NUP214: variants seen among roughly 807,000 people sequenced by gnomAD.
NUP214 encodes the protein nuclear pore complex protein Nup214.
NUP214 carries 79 observed loss-of-function variants against 196.2 expected under a neutral mutation model. That is an observed-to-expected ratio of 0.40 (90% CI 0.34 to 0.49). The LOEUF (loss-of-function observed/expected upper bound fraction) is 0.49. Among genes scored for constraint, NUP214 ranks in the 20% least tolerant of loss-of-function variants. The pLI is 0.58. For missense variants in NUP214, 2,468 were observed against 2,539.0 expected (o/e 0.97, Z 0.60); for synonymous variants, 1,020 against 990.5 (o/e 1.03, Z -0.56).
Position 131,198,343 on chromosome 9 carries a change from G to T in NUP214, c.4849G>T (p.Ala1617Ser). Residue 1617 changes from alanine to serine, a missense_variant, in exon 29 of 36, where the codon GCC (alanine) becomes TCC (serine). Physicochemically the swap from Ala to Ser is moderately conservative, Grantham distance 99. Transcript: ENST00000359428. Reference sequence around the variant, plus strand: ...CGTCGAAACATCAAGTACCCCCATAGCCTCCAGCACCACGTCCATTGTTGC... The same window carrying T: ...CGTCGAAACATCAAGTACCCCCATATCCTCCAGCACCACGTCCATTGTTGC... ...VAVETSSTPI[A>S]SSTTSIVAPG... 1 of 1,614,226 alleles carries T rather than the reference G, an allele frequency of 6.2e-7. No individual in the cohort carries two copies. The highest frequency in any genetic ancestry group is 1.1e-5 in the South Asian group (1 of 91,090).
intron 31 of NUP214, among the ~76,000 whole-genome samples, chr9:131,218,048 TTAAAG>T (rs1834451719): frequency 6.6e-6 from 1 of 152,222 alleles, no homozygotes; most frequent in Non-Finnish European, 1.5e-5. Flanking sequence ...TAATTCTGGT[TTAAAG>T]TAAACACATA....
At position 131,192,195 on chromosome 9, in the gene NUP214, T is replaced by TTG; in HGVS notation, c.3575-13_3575-12insTG. 1.6e-6 allele frequency: 2 copies of TTG among 1,224,628 alleles called. No homozygotes were observed. The highest frequency in any genetic ancestry group is 2.3e-6 in the Non-Finnish European group (2 of 877,356). 75.9% of individuals were successfully genotyped at this position (1,224,628 alleles called of 1,614,324 possible). ...TTTTTTTTTTTTTTTTTTTTTTTTTTCCATAATTTCAGGGACAGCCAAGAT... is the reference window on the plus strand; with the variant it reads ...TTTTTTTTTTTTTTTTTTTTTTTTTTTGCCATAATTTCAGGGACAGCCAAGAT... On this transcript the variant is annotated splice_polypyrimidine_tract_variant and intron_variant, in intron 26 of 35. Transcript: ENST00000359428.
chr9:131,156,778 C>T (rs566592783), intron 17 of NUP214, among the ~76,000 whole-genome samples: 3 of 152,048 alleles, frequency 2.0e-5, no homozygotes, highest in East Asian at 1.9e-4. Context: ...CGGCAAACAG[C>T]GACAGTTTGA....
In NUP214 at chr9:131,127,702, A is replaced by G; in HGVS notation, c.224A>G (p.Asp75Gly). The G allele has an allele frequency of 1.2e-6, 2 of 1,613,820 alleles. No homozygotes were observed. The highest frequency in any genetic ancestry group is 1.7e-4 in the Middle Eastern group (1 of 6,056). Residue 75 changes from aspartate (D) to glycine (G), a missense_variant, in exon 2 of 36, where the codon GAT (aspartate) becomes GGT (glycine). Transcript: ENST00000359428. Reference sequence around the variant, plus strand: ...CTTCTTATTCAAAATAAACCCGGAGATGATCCCAACAAAATAGGTAAGTTC... The same window carrying G: ...CTTCTTATTCAAAATAAACCCGGAGGTGATCCCAACAAAATAGGTAAGTTC... ...KNLLIQNKPG[D>G]DPNKIVDKVQ... is the part of the protein sequence containing the mutation.
chr9:131,147,109 C>T (rs1832107121), intron 13 of NUP214, among the ~76,000 whole-genome samples: 1 of 152,028 alleles, frequency 6.6e-6, no homozygotes, highest in South Asian at 2.1e-4. Context: ...ACCTTAGCCT[C>T]CTGAGTAGCT....
intron 11 of NUP214, among the ~76,000 whole-genome samples, chr9:131,141,478 C>CTTTTTTTTTTTT (rs3057295): frequency 8.4e-6 from 1 of 118,714 alleles, no homozygotes; most frequent in Non-Finnish European, 1.7e-5. Flanking sequence ...TGAAAAGAAA[C>CTTTTTTTTTTTT]TTTTTTTTTT....
Position 131,197,334 on chromosome 9 carries a change from A to C in NUP214, c.3840A>C (p.Ala1280=). ...CACCTCCCTCAGGAATCACATCCGC[A>C]TCAAACACCACCCCAGGAGAACCTG... ...ESSPPSGITS[A]SNTTPGEPAA... is the part of the protein sequence containing the mutation. Residue 1280 remains alanine, a synonymous_variant, in exon 29 of 36, where the codon GCA becomes GCC. Coordinates refer to ENST00000359428, the MANE Select transcript of NUP214 (RefSeq NM_005085.4). The C allele has an allele frequency of 3.7e-6, 6 of 1,614,176 alleles. No homozygotes were observed. The highest frequency in any genetic ancestry group is 5.1e-6 in the Non-Finnish European group (6 of 1,180,030).
intron 11 of NUP214, among the ~76,000 whole-genome samples, chr9:131,141,151 A>AT (rs1831903216): frequency 6.6e-6 from 1 of 151,878 alleles, no homozygotes; most frequent in Non-Finnish European, 1.5e-5. Context: ...AAAAAAAAAA[A>AT]CCACTATTCT....
chr9:131,194,622 A>G (rs1833723706), intron 27 of NUP214, among the ~76,000 whole-genome samples: 2 of 152,228 alleles, frequency 1.3e-5, no homozygotes, highest in Non-Finnish European at 2.9e-5. Flanking sequence ...CAGTGTAAAG[A>G]AAACGTACAA....
chr9:131,138,114 CT>C (rs1195368266), intron 9 of NUP214, among the ~76,000 whole-genome samples: 1 of 151,914 alleles, frequency 6.6e-6, no homozygotes, highest in Non-Finnish European at 1.5e-5. Context: ...TGCCTGCCTG[CT>C]TGCTTTCTTG....
chr9:131,161,926 C>T (rs1832650178), intron 18 of NUP214, among the ~76,000 whole-genome samples: 1 of 152,236 alleles, frequency 6.6e-6, no homozygotes. Flanking sequence ...AACCCACGGC[C>T]TGCAGGCTTC....
intron 23 of NUP214, 27 bp downstream of exon 23, chr9:131,175,648 C>G: frequency 6.2e-7 from 1 of 1,606,998 alleles, no homozygotes; most frequent in Non-Finnish European, 8.5e-7. Context: ...CATACCTGTA[C>G]AGAGGCTGAT....
chr9:131,163,473 T>C, intron 19 of NUP214: 1 of 425,938 alleles, frequency 2.3e-6, no homozygotes, highest in Non-Finnish European at 4.2e-6. Flanking sequence ...CATGGTTTGA[T>C]TGAAAATCAG....
At chr9:131,182,143 T>C (rs975300698) in intron 24 of NUP214, among the ~76,000 whole-genome samples, 11 of 152,262 alleles carry the variant, frequency 7.2e-5, no homozygotes, top group Admixed American at 3.9e-4. Flanking sequence ...ATGTACTTAG[T>C]ATCACTGAAC....
chr9:131,145,679 C>T (rs1349954750), intron 12 of NUP214, among the ~76,000 whole-genome samples: 2 of 152,162 alleles, frequency 1.3e-5, no homozygotes, highest in African/African-American at 4.8e-5. Flanking sequence ...ATAAGTATCC[C>T]AAAGACAGTT....
intron 9 of NUP214, among the ~76,000 whole-genome samples, 165 bp downstream of exon 9, chr9:131,136,171 C>G (rs909503288): frequency 3.3e-5 from 5 of 152,328 alleles, no homozygotes; most frequent in African/African-American, 9.6e-5. Context: ...TCCCAAGTAG[C>G]TGGGACTGTA....
intron 6 of NUP214, 194 bp from the exon 7 acceptor site, chr9:131,132,912 C>T: frequency 1.6e-6 from 1 of 620,384 alleles, no homozygotes; most frequent in Non-Finnish European, 2.8e-6. Context: ...TGATTATAAT[C>T]CAGCAGAAAA....
intron 31 of NUP214, among the ~76,000 whole-genome samples, chr9:131,221,141 G>C (rs1192964723): frequency 6.6e-6 from 1 of 152,204 alleles, no homozygotes; most frequent in Non-Finnish European, 1.5e-5. Flanking sequence ...GTAACTTTGG[G>C]CTAGCTCGAT....
chr9:131,128,512 C>T (rs761313916), intron 3 of NUP214, 29 bp downstream of exon 3: 35 of 1,574,420 alleles, frequency 2.2e-5, no homozygotes, highest in African/African-American at 1.4e-4. Flanking sequence ...GTGATGTCAA[C>T]ATGAGAACCC....
Sources: allele counts gnomAD v4.1 joint callset (sites outside exome capture counted in the v4.1 genomes callset), GRCh38; gene constraint gnomAD v4.1.1; transcripts MANE v1.5; gene names NCBI Gene and HGNC (gene_info 2026-07-23, HGNC 2026-07-21).